Variants in VEGFA observed in about 807,000 individuals in gnomAD.
The protein encoded by VEGFA is vascular endothelial growth factor A, long form.
Under a neutral mutation model 49.7 loss-of-function variants are expected in VEGFA, and 20 were observed. That is an observed-to-expected ratio of 0.40 (90% CI 0.28 to 0.58). The LOEUF (loss-of-function observed/expected upper bound fraction) is 0.58. Among genes scored for constraint, VEGFA ranks in the 20% least tolerant of loss-of-function variants. The pLI is 0.40. For missense variants in VEGFA, 505 were observed against 553.5 expected (o/e 0.91, Z 0.88); for synonymous variants, 219 against 223.4 (o/e 0.98, Z 0.18).
At chr6:43,774,459 C>T (rs1189079472) in intron 2 of VEGFA, 67 bp downstream of exon 2, 3 of 1,572,542 alleles carry the variant, frequency 1.9e-6, no homozygotes, top group Non-Finnish European at 2.6e-6. Context: ...GGCCTAATTC[C>T]TTTTTCTTCA....
chr6:43,772,113 C>T (rs752381597), intron 1 of VEGFA: 40 of 979,376 alleles, frequency 4.1e-5, no homozygotes, highest in Non-Finnish European at 4.7e-5. Context: ...TAGCCCCAGC[C>T]CGGGGATCCA....
chr6:43,774,622 T>G, intron 2 of VEGFA: 1 of 597,430 alleles, frequency 1.7e-6, no homozygotes, highest in Non-Finnish European at 3.0e-6. Flanking sequence ...CTTCTGCTCT[T>G]TCCAGTAAAA....
At chr6:43,780,559 G>A (rs557224766) in intron 5 of VEGFA, 173 bp from the exon 6 acceptor site, 145 of 841,824 alleles carry the variant, frequency 1.7e-4, no homozygotes, top group Non-Finnish European at 2.1e-5. Context: ...AGACACGCCT[G>A]TGTGCGCCCG....
At chr6:43,781,112 C>T (rs145776536) in intron 6 of VEGFA, 2 of 593,514 alleles carry the variant, frequency 3.4e-6, no homozygotes, top group African/African-American at 3.7e-5. Flanking sequence ...GGTGGCGGGC[C>T]CATGTTGGCA....
Position 43,770,588 on chromosome 6 carries a change from C to A in VEGFA, c.-119C>A. 1.4e-6 allele frequency: 2 copies of A among 1,410,906 alleles called. No homozygotes were observed. Among genetic ancestry groups the A allele is most frequent in the Non-Finnish European group, 1.8e-6 (2 of 1,088,042 alleles). The allele number at this position is 1,410,906 out of a possible 1,614,324, so 87.4% of individuals were successfully genotyped here. ...AAGAGAGAGACGGGGTCAGAGAGAG[C>A]GCGCGGGCGTGCGAGCAGCGAAAGC... On this transcript the variant is annotated 5_prime_UTR_variant, in exon 1 of 8. Coordinates refer to ENST00000672860, the MANE Select transcript of VEGFA (RefSeq NM_003376.6).
intron 5 of VEGFA, chr6:43,780,355 C>G: frequency 2.7e-6 from 1 of 363,814 alleles, no homozygotes; most frequent in East Asian, 7.0e-5. Context: ...TTGGACAGGG[C>G]TGCTGGGCAA....
Position 43,785,434 on chromosome 6 carries a change from G to C in VEGFA, c.*872G>C, listed in dbSNP as rs891771619. On this transcript the variant is annotated 3_prime_UTR_variant, in exon 8 of 8. Coordinates refer to ENST00000672860, the MANE Select transcript of VEGFA (RefSeq NM_003376.6). ...GCCTGGAAGATTCAGGAGCCTGGGC[G>C]GCCTTCGCTTACTCTCACCTGCTTC... 4.5e-6 allele frequency: 1 copy of C among 219,974 alleles called. No homozygotes were observed. Among genetic ancestry groups the C allele is most frequent in the Non-Finnish European group, 9.1e-6 (1 of 109,566 alleles). 13.6% of individuals were successfully genotyped at this position (219,974 alleles called of 1,614,324 possible).
chr6:43,784,090 G>T, intron 7 of VEGFA: 1 of 240,292 alleles, frequency 4.2e-6, no homozygotes, highest in South Asian at 5.7e-5. Flanking sequence ...CAGAAGATCT[G>T]CCCACTCTCT....
intron 5 of VEGFA, 88 bp downstream of exon 5, chr6:43,779,006 A>G (rs1766405620): frequency 6.4e-7 from 1 of 1,555,152 alleles, no homozygotes; most frequent in East Asian, 2.2e-5. Context: ...GGGGGCTCCC[A>G]TAGCCTCCCT....
At chr6:43,779,193 T>G in intron 5 of VEGFA, 1 of 572,332 alleles carries the variant, frequency 1.7e-6, no homozygotes, top group Non-Finnish European at 3.1e-6. Context: ...ACTTGCTGTT[T>G]CGGTGTGTCA....
At chr6:43,771,864 A>G (rs1213568816) in intron 1 of VEGFA, 3 of 190,734 alleles carry the variant, frequency 1.6e-5, no homozygotes, top group Non-Finnish European at 2.8e-5. Flanking sequence ...TGCTGCGGGG[A>G]CCCCCCCTCC....
intron 4 of VEGFA, 87 bp downstream of exon 4, chr6:43,778,623 C>T: frequency 1.4e-6 from 2 of 1,399,168 alleles, no homozygotes; most frequent in Middle Eastern, 1.8e-4. Flanking sequence ...TACTTTTTGG[C>T]CCCCGTCCAG....
chr6:43,783,083 A>G (rs1379943309), intron 7 of VEGFA: 1 of 152,164 alleles, frequency 6.6e-6, no homozygotes, highest in Non-Finnish European at 1.5e-5. Flanking sequence ...TGCATGAGTG[A>G]ATGTGTGACT....
intron 1 of VEGFA, chr6:43,774,135 G>C (rs1386909746): frequency 6.4e-6 from 4 of 620,948 alleles, no homozygotes; most frequent in Non-Finnish European, 1.2e-5. Flanking sequence ...TAACTTCCTC[G>C]GGTTCATAAC....
chr6:43,772,036 G>A, intron 1 of VEGFA: 1 of 985,416 alleles, frequency 1.0e-6, no homozygotes, highest in Non-Finnish European at 1.2e-6. Context: ...GCCCGAATGG[G>A]GAGCCCAGAG....
At chr6:43,776,148 C>A (rs1343950886) in intron 2 of VEGFA, 1 of 152,240 alleles carries the variant, frequency 6.6e-6, no homozygotes, top group African/African-American at 2.4e-5. Flanking sequence ...CAAAACACCA[C>A]CTTTTTCAGC....
rs969364582 is a variant in VEGFA at position 43,773,040 on chromosome 6, G to C, written c.607-1301G>C. ...GGAGAATATTGTCAGGGGGAAGGCA[G>C]GGGGTGTCATGGGAATGGGTGAGGG... is the stretch of plus-strand genomic sequence containing the variant. On this transcript the variant is annotated intron_variant, in intron 1 of 7. Transcript: ENST00000672860. The surrounding 1 kb of genome is among the most constrained non-coding windows in gnomAD (Gnocchi z 5.6). 4.6e-5 allele frequency: 7 copies of C among 152,942 alleles called. No homozygotes were observed. The highest frequency in any genetic ancestry group is 1.7e-4 in the African/African-American group (7 of 41,438). 9.5% of individuals were successfully genotyped at this position (152,942 alleles called of 1,614,324 possible).
chr6:43,774,431 C>T (rs2128010739), intron 2 of VEGFA, 39 bp downstream of exon 2: 2 of 1,609,070 alleles, frequency 1.2e-6, no homozygotes, highest in Non-Finnish European at 1.7e-6. Context: ...TCCCTGTCCT[C>T]TCAGGGGATG....
chr6:43,783,347 G>A (rs1187928504), intron 7 of VEGFA: 1 of 152,386 alleles, frequency 6.6e-6, no homozygotes, highest in Non-Finnish European at 1.5e-5. Flanking sequence ...CAATGTTCTT[G>A]TGGCTTGTGT....
Sources: gnomAD v4.1 joint callset for allele counts on GRCh38, gnomAD v4.1.1 for gene constraint, Gnocchi (gnomAD v3.1) non-coding constraint, MANE v1.5 for transcripts, NCBI Gene and HGNC (gene_info 2026-07-23, HGNC 2026-07-21) for gene names.